The following NCOR2 variants were observed in gnomAD, a reference collection of about 807,000 sequenced individuals.
NCOR2 encodes nuclear receptor corepressor 2, also known as CTG repeat protein 26.
Under a neutral mutation model 262.9 loss-of-function variants are expected in NCOR2, and 81 were observed. That is an observed-to-expected ratio of 0.31 (90% confidence interval 0.26 to 0.37). The LOEUF is 0.37. NCOR2 is among the 10% of genes least tolerant of loss of function. The probability of loss-of-function intolerance (pLI) is 1.00; values close to 1 mark genes in which losing one functional copy is unlikely to be tolerated. For synonymous variants in NCOR2, 1,659 were observed against 1,559.3 expected, an observed-to-expected ratio of 1.06 and a Z score of -1.51; for missense variants, 3,385 against 3,621.4, an observed-to-expected ratio of 0.93 and a Z score of 1.68.
intron 8 of NCOR2, among the ~76,000 whole-genome samples, chr12:124,437,138 A>G (rs73225430): frequency 0.039 from 5,952 of 152,324 alleles, 170 homozygotes; most frequent in Non-Finnish European, 0.06. Flanking sequence ...ATGTAATGAA[A>G]TGAAATGAAG....
intron 36 of NCOR2, 39 bp downstream of exon 38, chr12:124,340,255 G>A (rs2135816660): frequency 1.9e-6 from 3 of 1,606,414 alleles, no homozygotes; most frequent in East Asian, 2.2e-5. Context: ...CGGCCCACAA[G>A]GAGTCCCGGA....
chr12:124,535,205 A>T (rs995762512), intron 1 of NCOR2, among the ~76,000 whole-genome samples: 3 of 152,136 alleles, frequency 2.0e-5, no homozygotes, highest in Non-Finnish European at 2.9e-5. Flanking sequence ...CCCTGGCCAA[A>T]CCTGCGGGCC....
intron 33 of NCOR2, 78 bp from the exon 36 acceptor site, chr12:124,342,152 C>G: frequency 6.8e-7 from 1 of 1,476,568 alleles, no homozygotes; most frequent in Non-Finnish European, 9.1e-7. Context: ...CTGGATGCCC[C>G]CTACTTCTGC....
intron 16 of NCOR2, among the ~76,000 whole-genome samples, chr12:124,392,660 T>C (rs575118245): frequency 6.6e-6 from 1 of 152,354 alleles, no homozygotes; most frequent in African/African-American, 2.4e-5. Context: ...GCGCTCCTCT[T>C]TTGGGGGGCC....
upstream of NCOR2, among the ~76,000 whole-genome samples, chr12:124,497,614 G>A (rs1038629622): frequency 2.6e-5 from 4 of 152,214 alleles, no homozygotes; most frequent in Non-Finnish European, 2.9e-5. The surrounding 1 kb of genome is among the most constrained non-coding windows in gnomAD (Gnocchi z 4.2). Flanking sequence ...GGAAGGCATC[G>A]GAATCACAAA....
chr12:124,356,089 T>C (rs2037931202), intron 23 of NCOR2, among the ~76,000 whole-genome samples: 1 of 152,220 alleles, frequency 6.6e-6, no homozygotes, highest in Admixed American at 6.5e-5. Flanking sequence ...CTTTGCCTGC[T>C]CTCTCCTGCC....
intron 16 of NCOR2, chr12:124,388,808 G>T: frequency 7.7e-7 from 1 of 1,299,356 alleles, no homozygotes; most frequent in Middle Eastern, 2.2e-4. Context: ...CTGCGAGGCT[G>T]CTGGTTGGCG....
chr12:124,505,113 C>T lies in NCOR2; in HGVS notation c.-117-9745G>A, dbSNP rs138759763. On this transcript the variant is annotated intron_variant, in intron 1 of 46. Transcript: ENST00000404621. ...GCTGGAAGTGGGCAGAGGCTATCTACACCAGATAGGCTCGGCTTTCCCTAT... is the reference window on the plus strand; with the variant it reads ...GCTGGAAGTGGGCAGAGGCTATCTATACCAGATAGGCTCGGCTTTCCCTAT... Among the ~76,000 whole-genome samples, 3 of 152,144 alleles carry T rather than the reference C, an allele frequency of 2.0e-5. No homozygotes were observed. The East Asian group carries it at 5.8e-4, about 29-fold the overall frequency.
chr12:124,437,877 C>A (rs900664805), intron 8 of NCOR2, 53 bp downstream of exon 10: 1 of 1,553,846 alleles, frequency 6.4e-7, no homozygotes, highest in Non-Finnish European at 8.8e-7. Flanking sequence ...CCTGTGCGCT[C>A]GATTCTCCCC....
chr12:124,344,658 G>A (rs762750746), exon 32 of NCOR2: 27 of 1,487,764 alleles, frequency 1.8e-5, no homozygotes, highest in South Asian at 3.9e-5. Flanking sequence ...GGAGGTGGCC[G>A]GCAAAGGGTG....
chr12:124,372,180 AGCGGCCTCC>A, exon 20 of NCOR2: 2 of 1,601,370 alleles, frequency 1.2e-6, no homozygotes, highest in Non-Finnish European at 1.7e-6. Context: ...CCGTGGCCTC[AGCGGCCTCC>A]GCGTCCTTGC....
At chr12:124,430,266 C>T (rs1485037379) in intron 9 of NCOR2, among the ~76,000 whole-genome samples, 1 of 152,228 alleles carries the variant, frequency 6.6e-6, no homozygotes, top group East Asian at 1.9e-4. Flanking sequence ...CTGGGGGAGG[C>T]TGACAGCGTG....
chr12:124,493,901 C>T (rs2048232727), intron 1 of NCOR2, among the ~76,000 whole-genome samples: 1 of 152,190 alleles, frequency 6.6e-6, no homozygotes, highest in South Asian at 2.1e-4. Flanking sequence ...GTGATTTAAC[C>T]TCTTGGGCCT....
In NCOR2 at chr12:124,334,968, C is replaced by T; in HGVS notation, c.6411+167G>A. The T allele has an allele frequency of 2.9e-6, 3 of 1,020,186 alleles. No individual in the cohort carries two copies. The South Asian group carries it at 4.5e-5, about 15-fold the overall frequency. The allele number at this position is 1,020,186 out of a possible 1,614,324, so 63.2% of individuals were successfully genotyped here. A position where few individuals can be genotyped will look rare whatever the true frequency, so the allele number is the denominator to read the frequency against. On this transcript the variant is annotated intron_variant, in intron 40 of 46. Transcript: ENST00000405201. ...GCGGTGATGGTGCCGGTGCTCGGGG[C>T]TTTGGGATCTCACCCTCACCCACGC...
intron 7 of NCOR2, among the ~76,000 whole-genome samples, chr12:124,442,811 G>A (rs2044894755): frequency 6.6e-6 from 1 of 152,190 alleles, no homozygotes; most frequent in South Asian, 2.1e-4. Context: ...AAGCAAGTTA[G>A]AATGAGGTTA....
At chr12:124,372,742 C>G (rs1463170847) in intron 19 of NCOR2, 132 bp from the exon 22 acceptor site, 5 of 763,754 alleles carry the variant, frequency 6.5e-6, no homozygotes, top group Non-Finnish European at 1.0e-5. Flanking sequence ...CTCCTACACA[C>G]CTGGGCTGCT....
intron 27 of NCOR2, 29 bp downstream of exon 29, chr12:124,354,064 T>C: frequency 6.3e-7 from 1 of 1,591,168 alleles, no homozygotes; most frequent in South Asian, 1.1e-5. Flanking sequence ...GTCCCAACCG[T>C]CCTTCCTGCC....
At chr12:124,336,875 T>A in exon 38 of NCOR2, 1 of 1,609,258 alleles carries the variant, frequency 6.2e-7, no homozygotes, top group Non-Finnish European at 8.5e-7. Context: ...AGGTGCGAGG[T>A]TCTTCGCAGG....
intron 1 of NCOR2, among the ~76,000 whole-genome samples, chr12:124,560,665 C>T (rs1475549628): frequency 1.3e-5 from 2 of 152,166 alleles, no homozygotes; most frequent in African/African-American, 4.8e-5. Flanking sequence ...ACATACAGTC[C>T]ATTTAAGGCC....
Sources: gnomAD v4.1 joint callset for allele counts (sites outside exome capture counted in the v4.1 genomes callset) on GRCh38, gnomAD v4.1.1 for gene constraint, Gnocchi (gnomAD v3.1) non-coding constraint, MANE v1.5 for transcripts, NCBI Gene and HGNC (gene_info 2026-07-23, HGNC 2026-07-21) for gene names.